MRRF: variants seen among roughly 807,000 people sequenced by gnomAD.
MRRF encodes mitochondrial ribosome recycling factor, also known as ribosome-recycling factor, mitochondrial.
A neutral mutation model predicts 25.1 loss-of-function variants in MRRF; 18 were observed. The ratio of observed to expected loss-of-function variants is 0.72; its 90% confidence interval spans 0.50 to 1.06. The LOEUF (loss-of-function observed/expected upper bound fraction) is 1.06, where lower values mean the gene tolerates loss of function less well. Among genes scored for constraint, MRRF ranks in the 50% least tolerant of loss-of-function variants. The pLI, the probability that MRRF is intolerant of heterozygous loss-of-function variation, is 0.00. For missense variants in MRRF, 323 were observed against 319.3 expected (o/e 1.01, Z -0.09); for synonymous variants, 113 against 112.1 (o/e 1.01, Z -0.05).
chr9:122,268,178 A>G (rs1043875800), intron 1 of MRRF, among the ~76,000 whole-genome samples: 9 of 152,348 alleles, frequency 5.9e-5, no homozygotes, highest in African/African-American at 1.9e-4. Flanking sequence ...ACTTCTGTGC[A>G]ATTAAAATCT....
intron 3 of MRRF, among the ~76,000 whole-genome samples, chr9:122,282,769 G>C (rs1194681347): frequency 6.6e-6 from 1 of 152,146 alleles, no homozygotes; most frequent in East Asian, 1.9e-4. Context: ...TTGGATGCTG[G>C]GGGCTTGTAA....
intron 4 of MRRF, chr9:122,285,989 T>C: frequency 9.2e-6 from 12 of 1,303,928 alleles, no homozygotes; most frequent in Non-Finnish European, 1.2e-5. Context: ...CTTTATGATT[T>C]TAAGTGTAGT....
At chr9:122,319,856 T>C (rs1835772580) in intron 6 of MRRF, among the ~76,000 whole-genome samples, 1 of 151,820 alleles carries the variant, frequency 6.6e-6, no homozygotes, top group Non-Finnish European at 1.5e-5. Flanking sequence ...GGTAAAATGT[T>C]AGTAAATATT....
At chr9:122,274,973 T>G (rs1832689529) in intron 2 of MRRF, among the ~76,000 whole-genome samples, 1 of 152,170 alleles carries the variant, frequency 6.6e-6, no homozygotes, top group Non-Finnish European at 1.5e-5. Flanking sequence ...TAATTTTTGG[T>G]CTTTCCTGTT....
At chr9:122,274,533 G>GGTGTGAGTGT (rs1554817595) in intron 2 of MRRF, among the ~76,000 whole-genome samples, 1 of 140,562 alleles carries the variant, frequency 7.1e-6, no homozygotes, top group African/African-American at 2.7e-5. Flanking sequence ...ATATGAATCT[G>GGTGTGAGTGT]GTGTGTGTGT....
chr9:122,296,017 G>C (rs1834062384), intron 5 of MRRF, among the ~76,000 whole-genome samples: 3 of 152,218 alleles, frequency 2.0e-5, no homozygotes. Context: ...CTGATCTTTT[G>C]GGGAAGTAGG....
chr9:122,312,001 C>A (rs1005740264), intron 5 of MRRF, among the ~76,000 whole-genome samples: 2 of 152,204 alleles, frequency 1.3e-5, no homozygotes, highest in Non-Finnish European at 2.9e-5. Flanking sequence ...AAGATCTGAT[C>A]CAAATCCCTA....
intron 5 of MRRF, among the ~76,000 whole-genome samples, chr9:122,298,040 G>A (rs979872445): frequency 2.0e-5 from 3 of 152,094 alleles, no homozygotes; most frequent in African/African-American, 7.2e-5. Flanking sequence ...TTATACATGA[G>A]CAAAGTCAGC....
chr9:122,277,313 T>G (rs1191888116), intron 2 of MRRF, among the ~76,000 whole-genome samples: 2 of 152,138 alleles, frequency 1.3e-5, no homozygotes, highest in Non-Finnish European at 2.9e-5. Context: ...AAATCTTTTT[T>G]GTTTGATGAT....
At chr9:122,280,794 C>T (rs1445860896) in intron 3 of MRRF, among the ~76,000 whole-genome samples, 196 bp downstream of exon 3, 2 of 152,088 alleles carry the variant, frequency 1.3e-5, no homozygotes, top group South Asian at 2.1e-4. Context: ...AATGAGGTAA[C>T]GTATTATGGT....
intron 1 of MRRF, among the ~76,000 whole-genome samples, chr9:122,269,161 G>A (rs1276199061): frequency 8.8e-5 from 13 of 147,042 alleles, no homozygotes; most frequent in African/African-American, 3.3e-4. Context: ...GTGAGACTCT[G>A]TCTCAAAAAA....
chr9:122,303,992 T>TCA (rs572100836), intron 5 of MRRF, among the ~76,000 whole-genome samples: 97 of 150,078 alleles, frequency 6.5e-4, no homozygotes, highest in Middle Eastern at 3.4e-3. Flanking sequence ...CTTTTCTACA[T>TCA]CACACACACA....
intron 1 of MRRF, chr9:122,265,858 C>A: frequency 1.2e-6 from 1 of 827,744 alleles, no homozygotes; most frequent in Non-Finnish European, 1.8e-6. Context: ...CTCATTCCTT[C>A]TTTGGCCGTG....
chr9:122,295,266 A>G (rs1166949989), intron 5 of MRRF, among the ~76,000 whole-genome samples: 4 of 152,298 alleles, frequency 2.6e-5, no homozygotes, highest in Middle Eastern at 6.8e-3. Flanking sequence ...CCCTTTCACA[A>G]ATAGGAGCAT....
At chr9:122,277,007 C>T (rs1212308134) in intron 2 of MRRF, among the ~76,000 whole-genome samples, 4 of 151,922 alleles carry the variant, frequency 2.6e-5, no homozygotes, top group African/African-American at 7.3e-5. Context: ...ACTACAGGCA[C>T]GCACGGCCAT....
At chr9:122,292,028 A>G (rs569070520) in intron 5 of MRRF, among the ~76,000 whole-genome samples, 188 bp downstream of exon 5, 1 of 152,300 alleles carries the variant, frequency 6.6e-6, no homozygotes, top group Admixed American at 6.5e-5. Context: ...TATGTACTAG[A>G]TGTGAGGTTT....
intron 1 of MRRF, among the ~76,000 whole-genome samples, chr9:122,268,333 G>A (rs1164763753): frequency 1.3e-5 from 2 of 152,176 alleles, no homozygotes; most frequent in Non-Finnish European, 2.9e-5. Flanking sequence ...TTGTGAGTTG[G>A]TATTATGACC....
rs777376687 is a variant in MRRF at position 122,322,826 on chromosome 9, A to T, written c.*209A>T. On this transcript the variant is annotated 3_prime_UTR_variant, in exon 7 of 7. Transcript: ENST00000344641. ...TGCTCTGGGCCGGTGGGTGGCTCTCAGAAAATACTTGCTGCTGGCAAAAGG... is the reference window on the plus strand; with the variant it reads ...TGCTCTGGGCCGGTGGGTGGCTCTCTGAAAATACTTGCTGCTGGCAAAAGG... 1 of 628,222 alleles carries T rather than the reference A, an allele frequency of 1.6e-6. No individual in the cohort carries two copies. The highest frequency in any genetic ancestry group is 2.9e-6 in the Non-Finnish European group (1 of 349,292). The allele number at this position is 628,222 out of a possible 1,614,324, so 38.9% of individuals were successfully genotyped here.
Position 122,303,989 on chromosome 9 carries a change from A to G in MRRF, c.552-9238A>G, listed in dbSNP as rs148913475. 3.9e-4 allele frequency among the ~76,000 whole-genome samples: 59 copies of G among 151,602 alleles called. No individual in the cohort carries two copies. In the East Asian group the frequency reaches 0.011, roughly 27 times the overall value. On this transcript the variant is annotated intron_variant, in intron 5 of 6. Coordinates refer to ENST00000344641, the MANE Select transcript of MRRF (RefSeq NM_138777.5). ...GGAAGTACTGGTAATACCCTTTTCTACATCACACACACACACACAGAGTAG... is the reference window on the plus strand; with the variant it reads ...GGAAGTACTGGTAATACCCTTTTCTGCATCACACACACACACACAGAGTAG...
Sources: allele counts gnomAD v4.1 joint callset (sites outside exome capture counted in the v4.1 genomes callset), GRCh38; gene constraint gnomAD v4.1.1; transcripts MANE v1.5; gene names NCBI Gene and HGNC (gene_info 2026-07-23, HGNC 2026-07-21).